Variants in LARGE1 observed in about 807,000 individuals in gnomAD.
LARGE1 encodes xylosyl- and glucuronyltransferase LARGE1.
A neutral mutation model predicts 87.6 loss-of-function variants in LARGE1; 43 were observed. The ratio of observed to expected loss-of-function variants is 0.49; its 90% confidence interval spans 0.38 to 0.63. The LOEUF is 0.63. LARGE1 is among the 30% of genes least tolerant of loss of function. The pLI, the probability that LARGE1 is intolerant of heterozygous loss-of-function variation, is 0.00. For missense variants in LARGE1, 802 were observed against 1,000.2 expected (o/e 0.80, Z 2.67); for synonymous variants, 434 against 394.6 (o/e 1.10, Z -1.18).
At chr22:33,149,234 G>A in the LARGE1 span, among the ~76,000 whole-genome samples, 1 of 151,732 alleles carries the variant, frequency 6.6e-6, no homozygotes, top group African/African-American at 2.4e-5. Context: ...AGTAGAGACG[G>A]GGTTTCACTG....
intron 5 of LARGE1, among the ~76,000 whole-genome samples, chr22:33,577,030 T>C (rs949454199): frequency 2.0e-5 from 3 of 152,216 alleles, no homozygotes; most frequent in Non-Finnish European, 4.4e-5. Context: ...TATTTAGTTA[T>C]ATTTCATTCC....
At chr22:33,363,082 C>T (rs1218857305) in intron 9 of LARGE1, among the ~76,000 whole-genome samples, 1 of 150,038 alleles carries the variant, frequency 6.7e-6, no homozygotes, top group Non-Finnish European at 1.5e-5. Flanking sequence ...ATGGGGCTCC[C>T]GCTTTTCCCA....
intron 7 of LARGE1, among the ~76,000 whole-genome samples, chr22:33,417,447 A>G (rs551736534): frequency 7.2e-5 from 11 of 152,332 alleles, no homozygotes; most frequent in African/African-American, 2.6e-4. Flanking sequence ...AGAGCTTTTC[A>G]CACACCAGAT....
At chr22:33,438,682 A>G (rs8141158) in intron 6 of LARGE1, among the ~76,000 whole-genome samples, 49,380 of 152,004 alleles carry the variant, frequency 0.32, 8,324 homozygotes, top group African/African-American at 0.36. Flanking sequence ...ATTCTTCCAC[A>G]CAGTGCATCT....
chr22:33,335,271 C>T (rs1300668907), intron 10 of LARGE1, among the ~76,000 whole-genome samples: 2 of 152,212 alleles, frequency 1.3e-5, no homozygotes, highest in Non-Finnish European at 2.9e-5. Flanking sequence ...CTAAGTGCTT[C>T]CCAGAATCTG....
the LARGE1 span, among the ~76,000 whole-genome samples, chr22:33,129,543 T>C: frequency 6.6e-6 from 1 of 152,150 alleles, no homozygotes; most frequent in Non-Finnish European, 1.5e-5. Context: ...ATAAAAAATA[T>C]ATATATACGC....
the LARGE1 span, among the ~76,000 whole-genome samples, chr22:33,148,263 A>G: frequency 6.6e-6 from 1 of 152,244 alleles, no homozygotes; most frequent in African/African-American, 2.4e-5. Flanking sequence ...ATAGCAACAG[A>G]AAATAGACTA....
intron 4 of LARGE1, among the ~76,000 whole-genome samples, chr22:33,609,853 C>A (rs1229743788): frequency 6.6e-6 from 1 of 151,902 alleles, no homozygotes; most frequent in African/African-American, 2.4e-5. Context: ...AAAAGAGAAA[C>A]TCTTTTTTTA....
At chr22:33,100,307 G>A in the LARGE1 span, among the ~76,000 whole-genome samples, 5 of 132,052 alleles carry the variant, frequency 3.8e-5, no homozygotes, top group South Asian at 4.8e-4. Flanking sequence ...GAGATATTGC[G>A]CCACTGCACT....
At chr22:33,077,967 C>A in the LARGE1 span, among the ~76,000 whole-genome samples, 4 of 151,666 alleles carry the variant, frequency 2.6e-5, no homozygotes, top group Admixed American at 1.3e-4. Context: ...AACTAGTCTC[C>A]TTTTGAGTGA....
intron 6 of LARGE1, among the ~76,000 whole-genome samples, chr22:33,459,528 C>T (rs1466457869): frequency 6.1e-5 from 9 of 148,678 alleles, no homozygotes; most frequent in Non-Finnish European, 8.9e-5. Flanking sequence ...TGAGAGTTAT[C>T]GCCTCTATAG....
chr22:33,096,666 G>C, the LARGE1 span, among the ~76,000 whole-genome samples: 2 of 149,854 alleles, frequency 1.3e-5, no homozygotes, highest in Admixed American at 1.3e-4. Context: ...CCGGGTTCAC[G>C]CCATTCTCCT....
intron 7 of LARGE1, among the ~76,000 whole-genome samples, chr22:33,430,157 T>C (rs113150063): frequency 5.0e-4 from 76 of 152,322 alleles, no homozygotes; most frequent in African/African-American, 1.8e-3. Context: ...GCTCCTTGAC[T>C]TTTCAGGGTT....
intron 2 of LARGE1, among the ~76,000 whole-genome samples, chr22:33,737,026 G>A (rs1396603738): frequency 6.6e-6 from 1 of 152,166 alleles, no homozygotes; most frequent in Non-Finnish European, 1.5e-5. Context: ...CATGCACGAA[G>A]ACCTGGATGC....
At chr22:33,096,566 GTT>G in the LARGE1 span, among the ~76,000 whole-genome samples, 7,573 of 107,802 alleles carry the variant, frequency 0.07, 472 homozygotes, top group African/African-American at 0.22. Context: ...TTTTGTTTTT[GTT>G]TTTTTTTTTT....
At chr22:33,364,547 G>A (rs1046378483) in intron 9 of LARGE1, among the ~76,000 whole-genome samples, 10 of 152,108 alleles carry the variant, frequency 6.6e-5, no homozygotes, top group Admixed American at 1.3e-4. Context: ...AATATTAAAT[G>A]GAAGATTCCA....
chr22:33,149,099 G>T, the LARGE1 span, among the ~76,000 whole-genome samples: 1 of 149,512 alleles, frequency 6.7e-6, no homozygotes, highest in Admixed American at 6.7e-5. Flanking sequence ...GTGCAGTGGC[G>T]CGATCTCGGC....
At chr22:33,785,089 G>A (rs1385070093) in intron 1 of LARGE1, among the ~76,000 whole-genome samples, 5 of 142,388 alleles carry the variant, frequency 3.5e-5, no homozygotes, top group Non-Finnish European at 1.5e-5. Flanking sequence ...ATACATATGT[G>A]TATATACATG....
chr22:33,798,192 A>G (rs1601641019), intron 1 of LARGE1, among the ~76,000 whole-genome samples: 2 of 152,162 alleles, frequency 1.3e-5, no homozygotes, highest in Non-Finnish European at 2.9e-5. Flanking sequence ...TCAGAGGCTG[A>G]GGCAGGAGAA....
Sources: gnomAD v4.1 joint callset for allele counts (sites outside exome capture counted in the v4.1 genomes callset) on GRCh38, gnomAD v4.1.1 for gene constraint, MANE v1.5 for transcripts, NCBI Gene and HGNC (gene_info 2026-07-23, HGNC 2026-07-21) for gene names.